Variants in COL21A1 observed in about 807,000 individuals in gnomAD.
The protein encoded by COL21A1 is collagen type XXI alpha 1 chain, also known as collagen alpha-1(XXI) chain.
COL21A1 carries 149 observed loss-of-function variants against 137.9 expected under a neutral mutation model. The ratio of observed to expected loss-of-function variants is 1.08; its 90% confidence interval spans 0.95 to 1.24. The LOEUF is 1.24. COL21A1 is among the 50% of genes most tolerant of loss of function. The pLI is 0.00. For synonymous variants in COL21A1, 456 were observed against 391.5 expected, an observed-to-expected ratio of 1.16 and a Z score of -1.95; for missense variants, 1,167 against 1,158.4, an observed-to-expected ratio of 1.01 and a Z score of -0.11.
chr6:56,187,519 G>A (rs941637836), intron 1 of COL21A1, among the ~76,000 whole-genome samples: 32 of 152,192 alleles, frequency 2.1e-4, no homozygotes, highest in African/African-American at 7.0e-4. Flanking sequence ...ATAGAGTTTC[G>A]GTAACAGACC....
chr6:56,237,521 G>C (rs535524988), intron 1 of COL21A1, among the ~76,000 whole-genome samples: 20 of 152,224 alleles, frequency 1.3e-4, no homozygotes, highest in Non-Finnish European at 1.9e-4. Flanking sequence ...ATCTCGCTTA[G>C]GCTCTTTAGG....
intron 21 of COL21A1, among the ~76,000 whole-genome samples, chr6:56,070,536 T>G (rs188670088): frequency 6.6e-6 from 1 of 151,700 alleles, no homozygotes; most frequent in Non-Finnish European, 1.5e-5. Flanking sequence ...AAGCCAAAGT[T>G]TATATCTTTA....
chr6:56,129,409 C>T (rs1773314384), intron 12 of COL21A1, among the ~76,000 whole-genome samples: 1 of 152,000 alleles, frequency 6.6e-6, no homozygotes, highest in Non-Finnish European at 1.5e-5. Context: ...ACTAGAGCAA[C>T]AAGAGGGAAA....
chr6:56,150,565 C>CACACACACACACACACACACAA (rs1402170446), intron 10 of COL21A1, among the ~76,000 whole-genome samples: 9 of 112,616 alleles, frequency 8.0e-5, no homozygotes, highest in African/African-American at 3.3e-4. Context: ...CACACACACA[C>CACACACACACACACACACACAA]AAGAGTGGGG....
Position 56,056,854 on chromosome 6 carries a change from A to T in COL21A1, c.*803T>A, listed in dbSNP as rs1333431685. ...AAAATTAACATATATGGACATACAC[A>T]TATAAGTGAAATGGAAAATGAAGGC... On this transcript the variant is annotated 3_prime_UTR_variant, in exon 30 of 30. Coordinates refer to ENST00000244728, the MANE Select transcript of COL21A1 (RefSeq NM_030820.4). The T allele has an allele frequency of 6.6e-6, 1 of 152,222 alleles. No individual in the cohort carries two copies. The highest frequency in any genetic ancestry group is 1.5e-5 in the Non-Finnish European group (1 of 68,042). 9.4% of individuals were successfully genotyped at this position (152,222 alleles called of 1,614,324 possible). A position where few individuals can be genotyped will look rare whatever the true frequency, so the allele number is the denominator to read the frequency against.
chr6:56,372,664 A>G (rs1554186216), intron 1 of COL21A1, among the ~76,000 whole-genome samples: 1 of 152,210 alleles, frequency 6.6e-6, no homozygotes. Flanking sequence ...GGGGGAAAAA[A>G]GCTTCAGGAA....
intron 1 of COL21A1, among the ~76,000 whole-genome samples, chr6:56,390,878 C>A (rs536985353): frequency 6.6e-6 from 1 of 151,992 alleles, no homozygotes; most frequent in Non-Finnish European, 1.5e-5. Context: ...TTGTTGGGAA[C>A]CTCAACCACC....
chr6:56,082,224 G>T (rs1270509921), intron 17 of COL21A1, among the ~76,000 whole-genome samples: 2 of 151,896 alleles, frequency 1.3e-5, no homozygotes, highest in Non-Finnish European at 2.9e-5. Flanking sequence ...CCTGTCACAT[G>T]GTGGGAAAGT....
At chr6:56,232,978 A>G (rs1239642623) in intron 1 of COL21A1, among the ~76,000 whole-genome samples, 1 of 151,898 alleles carries the variant, frequency 6.6e-6, no homozygotes, top group Non-Finnish European at 1.5e-5. Flanking sequence ...AAGAATTCTC[A>G]GAGCAGGGGG....
intron 1 of COL21A1, among the ~76,000 whole-genome samples, chr6:56,253,508 G>A (rs1452152983): frequency 6.6e-6 from 1 of 152,168 alleles, no homozygotes; most frequent in Non-Finnish European, 1.5e-5. Context: ...AGCCAACACA[G>A]AGAAAAGTAG....
At position 56,064,605 on chromosome 6, in the gene COL21A1, A is replaced by G. The variant is rs1766084409; in HGVS notation, c.2145T>C (p.Asn715=). Residue 715 remains asparagine, a synonymous_variant, in exon 24 of 30, where the codon AAT becomes AAC. Transcript: ENST00000244728. ...EKGIQGQKGE[N]GRQGIPGQQG... ...GTTGCCCTGGAATTCCCTGTCTTCC[A>G]TTTTCTCCCTTTTGACCCTTTAAAA... The G allele has an allele frequency of 6.3e-7, 1 of 1,594,400 alleles. No homozygotes were observed. Among genetic ancestry groups the G allele is most frequent in the Admixed American group, 1.7e-5 (1 of 57,722 alleles).
chr6:56,178,811 TA>T lies in COL21A1; in HGVS notation c.640+766del, dbSNP rs138678528. ...GATATAAACATAATTAATAAACTGT[TA>T]TTTTCAAATGTTCTGTGAAAGGGAA... On this transcript the variant is annotated intron_variant, in intron 3 of 29. Transcript: ENST00000244728. Among the ~76,000 whole-genome samples the T allele has an allele frequency of 4.7e-4, 72 of 152,242 alleles. 1 individual carries two copies. In the East Asian group the frequency reaches 0.013, roughly 29 times the overall value.
chr6:56,075,376 G>T, intron 19 of COL21A1, 103 bp downstream of exon 19: 1 of 811,538 alleles, frequency 1.2e-6, no homozygotes, highest in Non-Finnish European at 1.9e-6. Flanking sequence ...ATATTTTATT[G>T]CTGTATCCCC....
At chr6:56,096,485 T>C (rs1396983716) in intron 17 of COL21A1, among the ~76,000 whole-genome samples, 1 of 152,244 alleles carries the variant, frequency 6.6e-6, no homozygotes, top group African/African-American at 2.4e-5. Flanking sequence ...TACAGTTTCC[T>C]GAATTGAAGT....
chr6:56,371,135 G>A (rs2093987890), intron 1 of COL21A1, among the ~76,000 whole-genome samples: 1 of 152,158 alleles, frequency 6.6e-6, no homozygotes, highest in African/African-American at 2.4e-5. Context: ...CAATAAGTGT[G>A]ATATATTCCA....
At chr6:56,373,604 A>AAAAC (rs1340403837) in intron 1 of COL21A1, among the ~76,000 whole-genome samples, 1 of 152,262 alleles carries the variant, frequency 6.6e-6, no homozygotes, top group Non-Finnish European at 1.5e-5. Context: ...TCTGTCTCAA[A>AAAAC]AAACAAACAA....
chr6:56,215,952 G>T (rs1202239123), intron 1 of COL21A1, among the ~76,000 whole-genome samples: 1 of 151,996 alleles, frequency 6.6e-6, no homozygotes. Context: ...TTGACTACTT[G>T]CCTGTGAGTT....
chr6:56,212,702 T>G (rs1449338204), intron 1 of COL21A1, among the ~76,000 whole-genome samples: 1 of 152,004 alleles, frequency 6.6e-6, no homozygotes, highest in Non-Finnish European at 1.5e-5. Flanking sequence ...AGGTAACGAA[T>G]TGATACAGAG....
chr6:56,357,834 A>G (rs1222266739), intron 1 of COL21A1, among the ~76,000 whole-genome samples: 1 of 152,176 alleles, frequency 6.6e-6, no homozygotes. Flanking sequence ...GGCATGGGAG[A>G]TAATAGGCAT....
Sources: allele counts gnomAD v4.1 joint callset (sites outside exome capture counted in the v4.1 genomes callset), GRCh38; gene constraint gnomAD v4.1.1; transcripts MANE v1.5; gene names NCBI Gene and HGNC (gene_info 2026-07-23, HGNC 2026-07-21).